The following SBF2 variants were observed in gnomAD, a reference collection of about 807,000 sequenced individuals.
SBF2 encodes myotubularin-related protein 13.
A neutral mutation model predicts 225.2 loss-of-function variants in SBF2; 112 were observed. That is an observed-to-expected ratio of 0.50 (90% confidence interval 0.43 to 0.58). The LOEUF (loss-of-function observed/expected upper bound fraction) is 0.58, where lower values mean the gene tolerates loss of function less well. Among genes scored for constraint, SBF2 ranks in the 20% least tolerant of loss-of-function variants. The pLI is 0.00. For synonymous variants in SBF2, 763 were observed against 773.3 expected (o/e 0.99, Z 0.22); for missense variants, 1,996 against 2,206.2 (o/e 0.90, Z 1.91).
At chr11:10,247,646 G>A (rs1959940920) in intron 1 of SBF2, among the ~76,000 whole-genome samples, 1 of 152,078 alleles carries the variant, frequency 6.6e-6, no homozygotes, top group South Asian at 2.1e-4. Flanking sequence ...AGTGAGCCAA[G>A]ATCGTGCCAC....
intron 28 of SBF2, among the ~76,000 whole-genome samples, chr11:9,824,978 A>T (rs1854983797): frequency 6.6e-6 from 1 of 152,238 alleles, no homozygotes; most frequent in South Asian, 2.1e-4. Flanking sequence ...TGAGAAAGAA[A>T]TGATGAGAAG....
At chr11:10,010,120 TC>T (rs1465738975) in intron 6 of SBF2, among the ~76,000 whole-genome samples, 3 of 152,148 alleles carry the variant, frequency 2.0e-5, no homozygotes, top group Non-Finnish European at 4.4e-5. Context: ...AAATTTGAGT[TC>T]CTTGTAGATT....
At chr11:9,802,257 C>T (rs16907071) in intron 32 of SBF2, among the ~76,000 whole-genome samples, 5,047 of 152,144 alleles carry the variant, frequency 0.033, 355 homozygotes, top group East Asian at 0.3. Flanking sequence ...GTAATGATAT[C>T]ATTTGAGCTA....
At chr11:10,003,566 A>G (rs1470074377) in intron 6 of SBF2, among the ~76,000 whole-genome samples, 2 of 151,892 alleles carry the variant, frequency 1.3e-5, no homozygotes, top group African/African-American at 4.8e-5. Flanking sequence ...ACGGGGTTTC[A>G]CCGTGTTAAG....
chr11:9,805,863 C>T (rs1455982239), intron 32 of SBF2, among the ~76,000 whole-genome samples: 3 of 152,152 alleles, frequency 2.0e-5, no homozygotes, highest in East Asian at 1.9e-4. Context: ...CCTCGTGATC[C>T]ACCCACCTTG....
At chr11:9,937,154 C>G (rs764967745) in intron 16 of SBF2, among the ~76,000 whole-genome samples, 55 of 152,050 alleles carry the variant, frequency 3.6e-4, no homozygotes, top group Non-Finnish European at 7.2e-4. Flanking sequence ...AGGACAAAAG[C>G]TTCCAGATTA....
intron 2 of SBF2, among the ~76,000 whole-genome samples, chr11:10,139,187 T>G (rs78959883): frequency 0.076 from 11,535 of 152,230 alleles, 633 homozygotes; most frequent in East Asian, 0.29. Context: ...TACTTATTTT[T>G]GGGAAAATGT....
Position 9,793,644 on chromosome 11 carries a change from C to T in SBF2, c.4570+2187G>A, listed in dbSNP as rs547799085. Among the ~76,000 whole-genome samples, 22 of 130,174 alleles carry T rather than the reference C, an allele frequency of 1.7e-4. No homozygotes were observed. In the East Asian group the frequency reaches 4.8e-3, roughly 29 times the overall value. 85.4% of individuals were successfully genotyped at this position (130,174 alleles called of 152,430 possible). A position where few individuals can be genotyped will look rare whatever the true frequency, so the allele number is the denominator to read the frequency against. On this transcript the variant is annotated intron_variant, in intron 33 of 39. Transcript: ENST00000256190. ...GCCTCAAGCAATTCACCCACCTTGG[C>T]CTCCTCAAAGTGCTGGGATTACAGG...
intron 16 of SBF2, among the ~76,000 whole-genome samples, chr11:9,896,411 T>G (rs1861259719): frequency 6.6e-6 from 1 of 152,182 alleles, no homozygotes; most frequent in Admixed American, 6.5e-5. Flanking sequence ...AAGATACATT[T>G]TTTTGCACAT....
Position 9,918,824 on chromosome 11 carries a change from T to C in SBF2, c.1861-22813A>G, listed in dbSNP as rs984634169. On this transcript the variant is annotated intron_variant, in intron 16 of 39. Transcript: ENST00000256190. ...CGTGATCTCGGCTCGCTGCAAGCTC[T>C]GCCTCCTGAGTTCACGCCATTCTCC... Among the ~76,000 whole-genome samples, 21 of 151,772 alleles carry C rather than the reference T, an allele frequency of 1.4e-4. No homozygotes were observed. The South Asian group carries it at 3.5e-3, about 26-fold the overall frequency.
chr11:10,071,998 A>G (rs1014096377), intron 2 of SBF2, among the ~76,000 whole-genome samples: 1 of 151,958 alleles, frequency 6.6e-6, no homozygotes, highest in South Asian at 2.1e-4. Context: ...TCCACCCTTC[A>G]CCTCCAGCCA....
At chr11:9,997,004 C>CT (rs1355607468) in intron 9 of SBF2, among the ~76,000 whole-genome samples, 1 of 152,192 alleles carries the variant, frequency 6.6e-6, no homozygotes, top group African/African-American at 2.4e-5. Context: ...CTTTTGCACT[C>CT]TATCACATCT....
At chr11:10,210,848 G>C (rs1957916543) in intron 1 of SBF2, among the ~76,000 whole-genome samples, 1 of 151,600 alleles carries the variant, frequency 6.6e-6, no homozygotes, top group South Asian at 2.1e-4. Context: ...CCCCGTCTCT[G>C]CTGAAAGTAC....
chr11:9,805,870 CT>C (rs1465351107), intron 32 of SBF2, among the ~76,000 whole-genome samples: 1 of 152,170 alleles, frequency 6.6e-6, no homozygotes, highest in Non-Finnish European at 1.5e-5. Flanking sequence ...ATCCACCCAC[CT>C]TGGCCTCCCA....
chr11:10,023,880 A>T (rs900950663), intron 6 of SBF2, among the ~76,000 whole-genome samples: 1 of 152,078 alleles, frequency 6.6e-6, no homozygotes, highest in African/African-American at 2.4e-5. Context: ...TTTTTTTAAG[A>T]ATCTGATACA....
At chr11:10,264,857 A>C (rs1209664547) in intron 1 of SBF2, among the ~76,000 whole-genome samples, 1 of 151,688 alleles carries the variant, frequency 6.6e-6, no homozygotes, top group Non-Finnish European at 1.5e-5. Flanking sequence ...TTCTTAGGAT[A>C]GTTTGCTGAG....
At chr11:10,116,785 G>A (rs1322253298) in intron 2 of SBF2, among the ~76,000 whole-genome samples, 3 of 152,078 alleles carry the variant, frequency 2.0e-5, no homozygotes, top group Non-Finnish European at 4.4e-5. Context: ...CTTACTAGCA[G>A]GAAAAACCCT....
At chr11:10,239,771 T>C (rs55796222) in intron 1 of SBF2, among the ~76,000 whole-genome samples, 33,486 of 151,832 alleles carry the variant, frequency 0.22, 4,566 homozygotes, top group Non-Finnish European at 0.3. Flanking sequence ...ATAAACCTAA[T>C]GGTAAATATA....
In SBF2 at chr11:9,975,242, C is replaced by T. The variant is rs143034341; in HGVS notation, c.1396-6697G>A. ...TTTGGGGTGGTTTTATTCATTATTG[C>T]TAAAATTGTCTTTCAGTTGGTCAAC... On this transcript the variant is annotated intron_variant, in intron 13 of 39. Coordinates refer to ENST00000256190, the MANE Select transcript of SBF2 (RefSeq NM_030962.4). Among the ~76,000 whole-genome samples, 577 of 152,154 alleles carry T rather than the reference C, an allele frequency of 3.8e-3. 4 individuals are homozygous for T. The highest frequency in any genetic ancestry group is 5.2e-3 in the South Asian group (25 of 4,816).
Sources: gnomAD v4.1 joint callset for allele counts (sites outside exome capture counted in the v4.1 genomes callset) on GRCh38, gnomAD v4.1.1 for gene constraint, MANE v1.5 for transcripts, NCBI Gene and HGNC (gene_info 2026-07-23, HGNC 2026-07-21) for gene names.